Variants in KLHL32 observed in about 807,000 individuals in gnomAD.
The protein encoded by KLHL32 is kelch-like protein 32.
Under a neutral mutation model 64.8 loss-of-function variants are expected in KLHL32, and 35 were observed. The ratio of observed to expected loss-of-function variants is 0.54; its 90% CI spans 0.41 to 0.72. The LOEUF (loss-of-function observed/expected upper bound fraction) is 0.72, where lower values mean the gene tolerates loss of function less well. KLHL32 is among the 30% of genes least tolerant of loss of function. The probability of loss-of-function intolerance (pLI) is 0.00; values close to 1 mark genes in which losing one functional copy is unlikely to be tolerated. For missense variants in KLHL32, 589 were observed against 768.5 expected (o/e 0.77, Z 2.76); for synonymous variants, 259 against 281.0 (o/e 0.92, Z 0.78).
At chr6:97,055,824 C>A (rs949324840) in intron 4 of KLHL32, among the ~76,000 whole-genome samples, 2 of 96,370 alleles carry the variant, frequency 2.1e-5, no homozygotes. Flanking sequence ...AAAAAAAAAC[C>A]CCTTCTTATT....
At chr6:97,081,470 T>C (rs1404428988) in intron 5 of KLHL32, among the ~76,000 whole-genome samples, 1 of 152,226 alleles carries the variant, frequency 6.6e-6, no homozygotes, top group African/African-American at 2.4e-5. Context: ...GGGCAGTCTA[T>C]TCTCAGTCAG....
At chr6:97,055,958 A>C (rs1787793154) in intron 4 of KLHL32, among the ~76,000 whole-genome samples, 1 of 151,816 alleles carries the variant, frequency 6.6e-6, no homozygotes, top group South Asian at 2.1e-4. Context: ...TTCCACTCCA[A>C]GTCTGGAGGC....
intron 2 of KLHL32, among the ~76,000 whole-genome samples, chr6:96,975,225 A>G (rs549854092): frequency 3.9e-5 from 6 of 152,346 alleles, no homozygotes; most frequent in African/African-American, 1.4e-4. Flanking sequence ...AAGTTTCACA[A>G]TGTGTGAGGT....
Position 97,127,522 on chromosome 6 carries a change from GTAAT to G in KLHL32, c.1413+63_1413+66del. On this transcript the variant is annotated intron_variant, in intron 8 of 10. Coordinates refer to ENST00000369261, the MANE Select transcript of KLHL32 (RefSeq NM_052904.4). ...TTAATGAATTTTAAAAGATTCCAGA[GTAAT>G]TAGTAATTGGAATGCCAAGTGTACA... 2.0e-5 allele frequency: 26 copies of G among 1,329,132 alleles called. 1 individual carries two copies. In the South Asian group the frequency reaches 3.1e-4, roughly 16 times the overall value. The allele number at this position is 1,329,132 out of a possible 1,614,324, so 82.3% of individuals were successfully genotyped here. A position where few individuals can be genotyped will look rare whatever the true frequency, so the allele number is the denominator to read the frequency against.
In KLHL32 at chr6:96,946,251, T is replaced by A. The variant is rs140036072; in HGVS notation, c.-65-20745T>A. Among the ~76,000 whole-genome samples the A allele has an allele frequency of 7.9e-3, 1,208 of 152,332 alleles. 20 individuals are homozygous for A. Among genetic ancestry groups the A allele is most frequent in the African/African-American group, 0.027 (1,135 of 41,566 alleles). On this transcript the variant is annotated intron_variant, in intron 1 of 10. Coordinates refer to ENST00000369261, the MANE Select transcript of KLHL32 (RefSeq NM_052904.4). ...CTAACCATTAAGAATAGATATATAA[T>A]ATCTATTTTCAGTTTCTGGTAAAAG...
chr6:97,018,642 G>T (rs1582728945), intron 3 of KLHL32, among the ~76,000 whole-genome samples: 1 of 150,558 alleles, frequency 6.6e-6, no homozygotes, highest in Non-Finnish European at 1.5e-5. Context: ...TATTAATAAA[G>T]AAATGTACCT....
intron 3 of KLHL32, among the ~76,000 whole-genome samples, chr6:97,028,594 C>T (rs1160085987): frequency 2.0e-5 from 3 of 152,156 alleles, no homozygotes; most frequent in African/African-American, 7.2e-5. Flanking sequence ...CACAACTGCT[C>T]AGTCATTCCT....
At chr6:97,015,564 A>G (rs775067926) in intron 3 of KLHL32, among the ~76,000 whole-genome samples, 8 of 152,216 alleles carry the variant, frequency 5.3e-5, no homozygotes, top group Non-Finnish European at 1.2e-4. Flanking sequence ...TCTGAATGTG[A>G]GAGAGATGAT....
chr6:97,130,550 G>A (rs923925020), intron 8 of KLHL32, among the ~76,000 whole-genome samples: 1 of 152,028 alleles, frequency 6.6e-6, no homozygotes, highest in Non-Finnish European at 1.5e-5. Context: ...TGTGTAAATC[G>A]CAAAAACAAT....
At chr6:97,068,007 CAG>C (rs1324608347) in intron 5 of KLHL32, among the ~76,000 whole-genome samples, 5 of 56,728 alleles carry the variant, frequency 8.8e-5, no homozygotes, top group African/African-American at 2.8e-4. Context: ...AAACTTCATA[CAG>C]ACACACACAC....
the KLHL32 span, among the ~76,000 whole-genome samples, chr6:96,905,522 C>G: frequency 6.6e-6 from 1 of 152,306 alleles, no homozygotes; most frequent in East Asian, 1.9e-4. Flanking sequence ...TTGGTTCTAT[C>G]ACTTCCTGAC....
rs191470839 is a variant in KLHL32 at position 96,927,392 on chromosome 6, A to G, written c.-66+2366A>G. ...TGCAAGATGCCAAAGGAATGAAAAC[A>G]TAAGTGGGAACTCAGAGACATTAAA... On this transcript the variant is annotated intron_variant, in intron 1 of 10. Transcript: ENST00000369261. Among the ~76,000 whole-genome samples the G allele has an allele frequency of 1.4e-3, 210 of 152,372 alleles. 1 individual carries two copies. The highest frequency in any genetic ancestry group is 4.7e-3 in the African/African-American group (196 of 41,592).
chr6:96,972,022 T>G (rs1441434749), intron 2 of KLHL32, among the ~76,000 whole-genome samples: 3 of 152,036 alleles, frequency 2.0e-5, no homozygotes, highest in Non-Finnish European at 2.9e-5. Context: ...TGGCTAATTT[T>G]TGTATTTTTA....
intron 3 of KLHL32, among the ~76,000 whole-genome samples, chr6:97,036,800 C>T (rs1784359857): frequency 6.6e-6 from 1 of 152,208 alleles, no homozygotes; most frequent in African/African-American, 2.4e-5. Flanking sequence ...GAGTGGCCCC[C>T]TCCAGCTCCA....
At chr6:97,071,858 G>T (rs767656209) in intron 5 of KLHL32, among the ~76,000 whole-genome samples, 21 of 152,154 alleles carry the variant, frequency 1.4e-4, no homozygotes, top group Non-Finnish European at 2.8e-4. Flanking sequence ...TGCGCTCCCT[G>T]CCTGTAGTCT....
chr6:97,107,707 G>A (rs1796603667), intron 6 of KLHL32, among the ~76,000 whole-genome samples: 1 of 152,112 alleles, frequency 6.6e-6, no homozygotes, highest in African/African-American at 2.4e-5. Flanking sequence ...GGAGCCTTGA[G>A]GGCTTATAAA....
intron 6 of KLHL32, among the ~76,000 whole-genome samples, chr6:97,092,282 C>T (rs1030182175): frequency 1.3e-5 from 2 of 152,220 alleles, no homozygotes; most frequent in African/African-American, 4.8e-5. Context: ...AGCCACCGTG[C>T]CCGGCCAATT....
At chr6:96,980,387 T>C (rs1291089029) in intron 3 of KLHL32, among the ~76,000 whole-genome samples, 2 of 152,242 alleles carry the variant, frequency 1.3e-5, no homozygotes, top group Non-Finnish European at 2.9e-5. Flanking sequence ...TTGATTTTTA[T>C]CAAAAGCCTT....
At chr6:97,109,667 G>A (rs1012784207) in intron 6 of KLHL32, among the ~76,000 whole-genome samples, 2 of 152,200 alleles carry the variant, frequency 1.3e-5, no homozygotes, top group African/African-American at 2.4e-5. Flanking sequence ...TGGGCCAGAA[G>A]ATTGATTATG....
Sources: gnomAD v4.1 joint callset for allele counts (sites outside exome capture counted in the v4.1 genomes callset) on GRCh38, gnomAD v4.1.1 for gene constraint, MANE v1.5 for transcripts, NCBI Gene and HGNC (gene_info 2026-07-23, HGNC 2026-07-21) for gene names.